The following CCDC192 variants were observed in gnomAD, a reference collection of about 807,000 sequenced individuals.
CCDC192 encodes coiled-coil domain containing 192, also known as coiled-coil domain-containing protein 192.
At chr5:127,745,514 A>T (rs1187125786) in intron 2 of CCDC192, among the ~76,000 whole-genome samples, 20 of 152,194 alleles carry the variant, frequency 1.3e-4, no homozygotes. Context: ...TTGAATTTTT[A>T]GTGTTATTTA....
chr5:127,893,369 T>C (rs1320865663), intron 6 of CCDC192, among the ~76,000 whole-genome samples: 1 of 152,286 alleles, frequency 6.6e-6, no homozygotes, highest in East Asian at 1.9e-4. Context: ...TTGGGAGCAA[T>C]GCACATATAA....
At chr5:127,917,364 C>G (rs114729196) in intron 6 of CCDC192, among the ~76,000 whole-genome samples, 1 of 152,180 alleles carries the variant, frequency 6.6e-6, no homozygotes, top group South Asian at 2.1e-4. Context: ...TTTCATTTCC[C>G]TTCAAGAACT....
At chr5:127,726,840 G>A (rs1004893526) in intron 2 of CCDC192, among the ~76,000 whole-genome samples, 1 of 152,168 alleles carries the variant, frequency 6.6e-6, no homozygotes, top group Admixed American at 6.5e-5. Context: ...AGGAATCCAG[G>A]CAGTCTGGAG....
intron 5 of CCDC192, among the ~76,000 whole-genome samples, chr5:127,861,434 C>A (rs1751366748): frequency 6.6e-6 from 1 of 151,196 alleles, no homozygotes. Flanking sequence ...GTGGGCAGAT[C>A]ACCTGAGATC....
chr5:127,739,195 G>A (rs1753234837), intron 2 of CCDC192, among the ~76,000 whole-genome samples: 1 of 152,100 alleles, frequency 6.6e-6, no homozygotes, highest in Non-Finnish European at 1.5e-5. Flanking sequence ...TGCCGTGTGA[G>A]GTGTCAGTGT....
chr5:127,716,914 T>A (rs1002945973), intron 2 of CCDC192, among the ~76,000 whole-genome samples: 1 of 152,214 alleles, frequency 6.6e-6, no homozygotes, highest in African/African-American at 2.4e-5. Flanking sequence ...CCAATAAGCC[T>A]TCTGCAGCAA....
At chr5:127,781,357 T>A (rs1756208870) in intron 3 of CCDC192, among the ~76,000 whole-genome samples, 1 of 152,232 alleles carries the variant, frequency 6.6e-6, no homozygotes, top group East Asian at 1.9e-4. Context: ...TTTTTTCTAA[T>A]TCTGTGAAGA....
chr5:127,938,175 G>A (rs1485817013), intron 6 of CCDC192, among the ~76,000 whole-genome samples: 2 of 152,186 alleles, frequency 1.3e-5, no homozygotes, highest in African/African-American at 4.8e-5. Flanking sequence ...GGGACTGAGA[G>A]AAACATTACT....
At chr5:127,726,440 C>A (rs190216466) in intron 2 of CCDC192, among the ~76,000 whole-genome samples, 4 of 152,166 alleles carry the variant, frequency 2.6e-5, no homozygotes, top group Admixed American at 2.6e-4. Flanking sequence ...CTCAAAAATT[C>A]TTTGAAAAAC....
chr5:127,866,574 A>G (rs1158955062), intron 5 of CCDC192, among the ~76,000 whole-genome samples: 1 of 151,416 alleles, frequency 6.6e-6, no homozygotes, highest in Non-Finnish European at 1.5e-5. Flanking sequence ...ATGTGCTCAC[A>G]TGATTCATTG....
At chr5:127,927,455 G>A (rs1233855326) in intron 6 of CCDC192, among the ~76,000 whole-genome samples, 1 of 152,072 alleles carries the variant, frequency 6.6e-6, no homozygotes, top group Non-Finnish European at 1.5e-5. Context: ...AGAATGAGTA[G>A]GGACTACTGT....
rs550216219 is a variant in CCDC192, at chr5:127,783,246, G to A, written c.223-13857G>A. On this transcript the variant is annotated intron_variant, in intron 3 of 6. Transcript: ENST00000514853. ...CCTGACCTTGTGATCCACCCTCCTCGGCCTCCCAAAGTGCTGGGATTACAG... is the reference window on the plus strand; with the variant it reads ...CCTGACCTTGTGATCCACCCTCCTCAGCCTCCCAAAGTGCTGGGATTACAG... Among the ~76,000 whole-genome samples, 26 of 152,016 alleles carry A rather than the reference G, an allele frequency of 1.7e-4. No homozygotes were observed. The South Asian group carries it at 5.0e-3, about 29-fold the overall frequency.
At chr5:127,913,898 A>G (rs892147257) in intron 6 of CCDC192, among the ~76,000 whole-genome samples, 4 of 152,376 alleles carry the variant, frequency 2.6e-5, no homozygotes, top group Middle Eastern at 3.4e-3. Context: ...GGAAAAAACA[A>G]TAAAGAACAG....
intron 5 of CCDC192, among the ~76,000 whole-genome samples, chr5:127,843,255 G>C (rs1750376587): frequency 6.6e-6 from 1 of 151,026 alleles, no homozygotes; most frequent in African/African-American, 2.4e-5. Flanking sequence ...ACCCCGGATG[G>C]TCTCGATCTC....
rs60854127 is a variant in CCDC192, at chr5:127,912,419, C to CAAAAAAAAAAAAAAAAAA, written c.536-28759_536-28742dup. On this transcript the variant is annotated intron_variant, in intron 6 of 6. Transcript: ENST00000514853. ...AGTGAGAATAGATTCCTGGGTTTAG[C>CAAAAAAAAAAAAAAAAAA]AAAAAAAAAAAAAAAAAAAAATGAA... 2.5e-4 allele frequency among the ~76,000 whole-genome samples: 20 copies of CAAAAAAAAAAAAAAAAAA among 81,440 alleles called. 2 individuals carry two copies. Among genetic ancestry groups the CAAAAAAAAAAAAAAAAAA allele is most frequent in the African/African-American group, 6.1e-4 (12 of 19,822 alleles). 53.4% of individuals were successfully genotyped at this position (81,440 alleles called of 152,430 possible).
chr5:127,724,263 G>T (rs947052185), intron 2 of CCDC192, among the ~76,000 whole-genome samples: 1 of 152,124 alleles, frequency 6.6e-6, no homozygotes, highest in African/African-American at 2.4e-5. Flanking sequence ...TAAGGAGAAT[G>T]CTATAAATTC....
intron 2 of CCDC192, among the ~76,000 whole-genome samples, chr5:127,736,891 C>T (rs1482873828): frequency 7.4e-6 from 1 of 134,658 alleles, no homozygotes; most frequent in Non-Finnish European, 1.7e-5. Context: ...CTCCTGGATT[C>T]ATTAATTTTT....
chr5:127,719,965 G>A (rs1349139601), intron 2 of CCDC192, among the ~76,000 whole-genome samples: 2 of 151,960 alleles, frequency 1.3e-5, no homozygotes, highest in Non-Finnish European at 2.9e-5. Flanking sequence ...CAACATTGGG[G>A]ATCACAATTC....
At chr5:127,716,121 C>CT (rs548275570) in intron 2 of CCDC192, among the ~76,000 whole-genome samples, 289 of 150,758 alleles carry the variant, frequency 1.9e-3, no homozygotes, top group East Asian at 5.8e-3. Context: ...TCATCAAATG[C>CT]TTTTTTTTTG....
Sources: allele counts gnomAD v4.1 joint callset (sites outside exome capture counted in the v4.1 genomes callset), GRCh38; gene constraint gnomAD v4.1.1; transcripts MANE v1.5; gene names NCBI Gene and HGNC (gene_info 2026-07-23, HGNC 2026-07-21).